The following KDM5B variants were observed in gnomAD, a reference collection of about 807,000 sequenced individuals.
KDM5B encodes the protein lysine-specific demethylase 5B.
A neutral mutation model predicts 193.4 loss-of-function variants in KDM5B; 144 were observed. The observed-to-expected ratio is 0.74, with a 90% CI of 0.65 to 0.86. KDM5B has a LOEUF of 0.86. KDM5B is among the 40% of genes least tolerant of loss of function. KDM5B has a pLI of 0.00. For missense variants in KDM5B, 1,833 were observed against 1,886.9 expected (o/e 0.97, Z 0.53); for synonymous variants, 668 against 682.6 (o/e 0.98, Z 0.33).
Position 202,728,943 on chromosome 1 carries a change from G to A in KDM5B, c.*93C>T. On this transcript the variant is annotated 3_prime_UTR_variant, in exon 27 of 27. Transcript: ENST00000367265. ...TAGCACCGTTTACAGGCTGGCTTGA[G>A]TACCAGTCCTGTAGCTTTGCTGAGA... 2 of 1,448,310 alleles carry A rather than the reference G, an allele frequency of 1.4e-6. No homozygotes were observed. Among genetic ancestry groups the A allele is most frequent in the South Asian group, 1.2e-5 (1 of 84,578 alleles). 89.7% of individuals were successfully genotyped at this position (1,448,310 alleles called of 1,614,324 possible).
Position 202,740,769 on chromosome 1 carries a change from TTTCCTTTAC to T in KDM5B, c.2980_2988del (p.Val994_Glu996del). On this transcript the variant is annotated inframe_deletion, in exon 20 of 27. Coordinates refer to ENST00000367265, the MANE Select transcript of KDM5B (RefSeq NM_006618.5). Reference sequence around the variant, plus strand: ...GGCAGATATGCAGGGATCTCTTCGATTTCCTTTACTGCCGTAGCAAGGCTATTCAATGAA... The same window carrying T: ...GGCAGATATGCAGGGATCTCTTCGATTGCCGTAGCAAGGCTATTCAATGAA... 1 of 1,612,946 alleles carries T rather than the reference TTTCCTTTAC, an allele frequency of 6.2e-7. No individual in the cohort carries two copies. The highest frequency in any genetic ancestry group is 8.5e-7 in the Non-Finnish European group (1 of 1,179,954).
At position 202,773,223 on chromosome 1, in the gene KDM5B, G is replaced by C. The variant is rs369209380; in HGVS notation, c.471C>G (p.Thr157=). The C allele has an allele frequency of 1.9e-6, 3 of 1,613,808 alleles. No individual in the cohort carries two copies. In the African/African-American group the frequency reaches 4.0e-5, roughly 22 times the overall value. The change falls in exon 4 of 27, where the codon ACC becomes ACG. Residue 157 remains threonine (T), a synonymous_variant. Transcript: ENST00000367265. ...CTTTGCCAGGAGCAAACCCCATCTT[G>C]GTAGCAATTTTGGTCCATTTTCTAT... ...CKDRKWTKIA[T]KMGFAPGKAV... is the part of the protein sequence containing the mutation.
At position 202,726,033 on chromosome 1, in the gene KDM5B, A is replaced by G. The variant is rs1256061223; in HGVS notation, c.*3003T>C. ...CAAAGGGCCTTCAGAGTACAACCCAAATCAGTAGAGAGCCATGTTTCACCC... is the reference window on the plus strand; with the variant it reads ...CAAAGGGCCTTCAGAGTACAACCCAGATCAGTAGAGAGCCATGTTTCACCC... On this transcript the variant is annotated 3_prime_UTR_variant, in exon 27 of 27. Coordinates refer to ENST00000367265, the MANE Select transcript of KDM5B (RefSeq NM_006618.5). 6.6e-6 allele frequency: 1 copy of G among 152,194 alleles called. No individual in the cohort carries two copies. Among genetic ancestry groups the G allele is most frequent in the Non-Finnish European group, 1.5e-5 (1 of 68,034 alleles). 9.4% of individuals were successfully genotyped at this position (152,194 alleles called of 1,614,324 possible). A position where few individuals can be genotyped will look rare whatever the true frequency, so the allele number is the denominator to read the frequency against.
At chr1:202,735,329 A>T in intron 22 of KDM5B, 100 bp downstream of exon 22, 1 of 1,286,510 alleles carries the variant, frequency 7.8e-7, no homozygotes, top group South Asian at 1.5e-5. Context: ...AACGCTTTCA[A>T]GTTACTCTAC....
intron 5 of KDM5B, chr1:202,766,632 G>C (rs1163286014): frequency 2.1e-6 from 1 of 467,364 alleles, no homozygotes; most frequent in Non-Finnish European, 3.8e-6. Flanking sequence ...TTTTGTGAGG[G>C]TAATGGGCAA....
Position 202,736,403 on chromosome 1 carries a change from A to C in KDM5B, c.3085-11T>G, listed in dbSNP as rs774602194. On this transcript the variant is annotated splice_polypyrimidine_tract_variant and intron_variant, in intron 20 of 26. Transcript: ENST00000367265. ...CACACGTCCTCCAGCCTAATAAGTC[A>C]AGAAAAATTACAGCAGTTTAGAGAA... The C allele has an allele frequency of 6.5e-7, 1 of 1,531,012 alleles. No individual in the cohort carries two copies. Among genetic ancestry groups the C allele is most frequent in the South Asian group, 1.2e-5 (1 of 80,756 alleles). 94.8% of individuals were successfully genotyped at this position (1,531,012 alleles called of 1,614,324 possible). A position where few individuals can be genotyped will look rare whatever the true frequency, so the allele number is the denominator to read the frequency against.
intron 20 of KDM5B, among the ~76,000 whole-genome samples, chr1:202,737,888 G>A (rs1655154628): frequency 6.6e-6 from 1 of 152,192 alleles, no homozygotes; most frequent in Non-Finnish European, 1.5e-5. Context: ...AGGGAAGACT[G>A]GGTAGGTTGA....
At chr1:202,737,031 C>G (rs902850549) in intron 20 of KDM5B, among the ~76,000 whole-genome samples, 1 of 152,142 alleles carries the variant, frequency 6.6e-6, no homozygotes, top group Non-Finnish European at 1.5e-5. Context: ...CTTCTAAATT[C>G]ATTCATCTCA....
chr1:202,771,439 C>T lies in KDM5B; in HGVS notation c.576+1679G>A, dbSNP rs368171716. Among the ~76,000 whole-genome samples, 9 of 147,446 alleles carry T rather than the reference C, an allele frequency of 6.1e-5. No homozygotes were observed. In the East Asian group the frequency reaches 1.2e-3, roughly 20 times the overall value. On this transcript the variant is annotated intron_variant, in intron 4 of 26. Coordinates refer to ENST00000367265, the MANE Select transcript of KDM5B (RefSeq NM_006618.5). Reference sequence around the variant, plus strand: ...TATTTTTAGTAAATGCGGGGTTTTGCCATGTTGGCCAGCCAGATCTCGAAC... The same window carrying T: ...TATTTTTAGTAAATGCGGGGTTTTGTCATGTTGGCCAGCCAGATCTCGAAC...
At chr1:202,746,409 G>T in intron 14 of KDM5B, 86 bp from the exon 15 acceptor site, 49 of 503,946 alleles carry the variant, frequency 9.7e-5, no homozygotes, top group Non-Finnish European at 1.3e-4. Flanking sequence ...ACTTGAGTCT[G>T]AAAAAAAAAA....
At chr1:202,748,560 C>T (rs1346252997) in intron 14 of KDM5B, among the ~76,000 whole-genome samples, 1 of 151,018 alleles carries the variant, frequency 6.6e-6, no homozygotes, top group African/African-American at 2.4e-5. Flanking sequence ...ATTACAAAAA[C>T]CAAATGTTTT....
At chr1:202,754,440 A>C (rs1655927921) in intron 11 of KDM5B, among the ~76,000 whole-genome samples, 1 of 152,186 alleles carries the variant, frequency 6.6e-6, no homozygotes, top group South Asian at 2.1e-4. Flanking sequence ...AAATATCTGC[A>C]CATCCCTCCC....
At chr1:202,781,863 A>G (rs984175434) in intron 1 of KDM5B, among the ~76,000 whole-genome samples, 5 of 152,364 alleles carry the variant, frequency 3.3e-5, no homozygotes, top group Admixed American at 6.5e-5. Context: ...TAAGACTTAC[A>G]GGTGATATAT....
chr1:202,776,269 T>G (rs997537073), intron 2 of KDM5B: 1 of 152,076 alleles, frequency 6.6e-6, no homozygotes, highest in Non-Finnish European at 1.5e-5. Context: ...TTAAAAAATT[T>G]AATTCAGCCC....
intron 1 of KDM5B, among the ~76,000 whole-genome samples, chr1:202,792,868 G>A (rs1396816218): frequency 2.0e-5 from 3 of 152,154 alleles, no homozygotes; most frequent in Non-Finnish European, 2.9e-5. Context: ...ATGGTGGTGG[G>A]TGCCTGTAAT....
intron 19 of KDM5B, 151 bp from the exon 20 acceptor site, chr1:202,740,963 A>G: frequency 1.3e-6 from 1 of 748,666 alleles, no homozygotes; most frequent in Non-Finnish European, 2.1e-6. Flanking sequence ...AATTATCTGC[A>G]CTGTTTTCTT....
At chr1:202,766,593 T>C (rs1656471896) in intron 5 of KDM5B, 1 of 434,646 alleles carries the variant, frequency 2.3e-6, no homozygotes. Flanking sequence ...TCATGTTTTC[T>C]AGCCTTAATC....
At chr1:202,742,827 A>C (rs747857434) in intron 16 of KDM5B, 22 bp from the exon 17 acceptor site, 1 of 1,603,934 alleles carries the variant, frequency 6.2e-7, no homozygotes. Flanking sequence ...GAAAAAAGTC[A>C]TATTTTCTGT....
intron 1 of KDM5B, among the ~76,000 whole-genome samples, chr1:202,793,777 G>A (rs1001860658): frequency 2.0e-5 from 3 of 152,104 alleles, no homozygotes; most frequent in African/African-American, 7.2e-5. Flanking sequence ...ATCTTGATGA[G>A]CAACTATATA....
Sources: allele counts gnomAD v4.1 joint callset (sites outside exome capture counted in the v4.1 genomes callset), GRCh38; gene constraint gnomAD v4.1.1; transcripts MANE v1.5; gene names NCBI Gene and HGNC (gene_info 2026-07-23, HGNC 2026-07-21).